The following ARHGEF11 variants were observed in gnomAD, a reference collection of about 807,000 sequenced individuals.
ARHGEF11 encodes Rho guanine exchange factor (GEF) 11.
In ARHGEF11, 55 loss-of-function variants were observed where a neutral mutation model predicts 193.7. That is an observed-to-expected ratio of 0.28 (90% CI 0.23 to 0.36). ARHGEF11 has a LOEUF of 0.36. Among genes scored for constraint, ARHGEF11 ranks in the 10% least tolerant of loss-of-function variants. The probability of loss-of-function intolerance (pLI) is 1.00; values close to 1 mark genes in which losing one functional copy is unlikely to be tolerated. For missense variants in ARHGEF11, 1,723 were observed against 2,005.6 expected, an observed-to-expected ratio of 0.86 and a Z score of 2.69; for synonymous variants, 693 against 768.0, an observed-to-expected ratio of 0.90 and a Z score of 1.62.
chr1:156,988,417 G>A (rs144066134), intron 1 of ARHGEF11, among the ~76,000 whole-genome samples: 6 of 152,262 alleles, frequency 3.9e-5, no homozygotes, highest in Non-Finnish European at 8.8e-5. Context: ...TGACTGCACA[G>A]GGCTATCCAC....
At chr1:157,046,828 G>A (rs1571657813), upstream of ARHGEF11, among the ~76,000 whole-genome samples, 1 of 136,876 alleles carries the variant, frequency 7.3e-6, no homozygotes, top group East Asian at 2.0e-4. Context: ...GGGCCAACAT[G>A]GTGAAACCCC....
chr1:156,998,195 C>T (rs938314010), intron 1 of ARHGEF11, among the ~76,000 whole-genome samples: 2 of 152,182 alleles, frequency 1.3e-5, no homozygotes, highest in African/African-American at 4.8e-5. Flanking sequence ...GCTCTGAGGG[C>T]ACCATCTTCA....
chr1:156,965,397 A>C (rs979940424), intron 11 of ARHGEF11, among the ~76,000 whole-genome samples: 6 of 152,200 alleles, frequency 3.9e-5, no homozygotes, highest in Admixed American at 1.3e-4. Context: ...GACCAGGAGA[A>C]CTAAATTCTA....
chr1:156,986,350 C>G (rs1240282115), intron 1 of ARHGEF11, among the ~76,000 whole-genome samples, 177 bp from the exon 2 acceptor site: 1 of 152,102 alleles, frequency 6.6e-6, no homozygotes, highest in Non-Finnish European at 1.5e-5. Flanking sequence ...GTAACACCAC[C>G]TATCTGGAAT....
At chr1:156,985,840 G>C (rs1664841042) in intron 2 of ARHGEF11, 1 of 404,702 alleles carries the variant, frequency 2.5e-6, no homozygotes. Flanking sequence ...TGGGTGTTCT[G>C]ACCTGCTCCA....
intron 1 of ARHGEF11, among the ~76,000 whole-genome samples, chr1:156,989,028 T>C (rs1178172716): frequency 6.6e-6 from 1 of 152,108 alleles, no homozygotes; most frequent in Non-Finnish European, 1.5e-5. Context: ...ATGGAGGCTG[T>C]CATAGATAGA....
intron 1 of ARHGEF11, among the ~76,000 whole-genome samples, chr1:157,018,768 C>T (rs1435028848): frequency 6.6e-6 from 1 of 152,010 alleles, no homozygotes; most frequent in Non-Finnish European, 1.5e-5. Context: ...CTACAATAAT[C>T]AAATCAGTGT....
chr1:156,977,023 A>T lies in ARHGEF11; in HGVS notation c.542T>A (p.Ile181Asn). The T allele has an allele frequency of 6.2e-7, 1 of 1,613,942 alleles. No homozygotes were observed. The highest frequency in any genetic ancestry group is 8.5e-7 in the Non-Finnish European group (1 of 1,179,936). ...TTCCTGCCTCAGCATATTCCTGAGG[A>T]TCTGGGTGGCATGTTTTTGAACTTC... ...DPEVQKHATQ[I>N]LRNMLRQEEK... Residue 181 changes from isoleucine (I) to asparagine (N), a missense_variant, in exon 7 of 41, where the codon ATC (isoleucine) becomes AAC (asparagine). Physicochemically the swap from Ile to Asn is moderately radical, Grantham distance 149. Transcript: ENST00000368194.
chr1:156,955,878 CCCCAAGGCTGG>C, intron 19 of ARHGEF11, 79 bp from the exon 20 acceptor site: 1 of 1,107,926 alleles, frequency 9.0e-7, no homozygotes, highest in South Asian at 1.2e-5. Flanking sequence ...TGCCACTGTC[CCCCAAGGCTGG>C]CCCTCAGCAA....
intron 1 of ARHGEF11, among the ~76,000 whole-genome samples, chr1:157,041,227 A>C (rs1672709043): frequency 6.6e-6 from 1 of 152,210 alleles, no homozygotes; most frequent in Non-Finnish European, 1.5e-5. Flanking sequence ...ATTTAGTATC[A>C]TTATCTCTGT....
At chr1:157,017,842 T>C (rs1451732293) in intron 1 of ARHGEF11, among the ~76,000 whole-genome samples, 1 of 152,022 alleles carries the variant, frequency 6.6e-6, no homozygotes, top group Non-Finnish European at 1.5e-5. Flanking sequence ...TCTAAAATCC[T>C]GATATTCTCC....
rs1655711895 is a variant in ARHGEF11 at position 156,937,484 on chromosome 1, T to C, written c.4205A>G (p.Tyr1402Cys). The C allele has an allele frequency of 1.3e-6, 2 of 1,524,258 alleles. No individual in the cohort carries two copies. Among genetic ancestry groups the C allele is most frequent in the African/African-American group, 1.4e-5 (1 of 71,634 alleles). 94.4% of individuals were successfully genotyped at this position (1,524,258 alleles called of 1,614,324 possible). Residue 1402 changes from tyrosine to cysteine, a missense_variant, in exon 39 of 41, where the codon TAT becomes TGT. Coordinates refer to ENST00000368194, the MANE Select transcript of ARHGEF11 (RefSeq NM_198236.3). ...CGGGGGTCCTGATGGCATGCTGACA[T>C]AAAAGCAGTTCCCTGTCCCCACAGT... is the stretch of plus-strand genomic sequence containing the variant. ...GGTKATGNCF[Y>C]VSMPSGPPDS...
chr1:157,017,559 T>C (rs1003153529), intron 1 of ARHGEF11, among the ~76,000 whole-genome samples: 1 of 151,776 alleles, frequency 6.6e-6, no homozygotes, highest in Non-Finnish European at 1.5e-5. Context: ...TACAAAAAAT[T>C]AGCCGGACGT....
chr1:156,940,256 G>C lies in ARHGEF11; in HGVS notation c.3684C>G (p.Phe1228Leu). ...IRTRNPIHLA[F>L]PGPLFMEGLA... Reference sequence around the variant, plus strand: ...GCCCTTCCATGAACAGAGGGCCTGGGAAGGCCAAGTGGATGGGGTTCCTTG... The same window carrying C: ...GCCCTTCCATGAACAGAGGGCCTGGCAAGGCCAAGTGGATGGGGTTCCTTG... The change falls in exon 36 of 41, where the codon TTC becomes TTG. Residue 1228 changes from phenylalanine (F) to leucine (L), a missense_variant. Phe to Leu is a conservative substitution (Grantham distance 22, BLOSUM62 0). Transcript: ENST00000368194. 1 of 1,610,472 alleles carries C rather than the reference G, an allele frequency of 6.2e-7. No homozygotes were observed. The highest frequency in any genetic ancestry group is 1.1e-5 in the South Asian group (1 of 90,632).
chr1:156,963,702 G>C (rs572014027), intron 11 of ARHGEF11, 108 bp from the exon 12 acceptor site: 1 of 1,511,556 alleles, frequency 6.6e-7, no homozygotes, highest in African/African-American at 1.4e-5. Flanking sequence ...AAAGCCACCC[G>C]GGTCTGGTGA....
chr1:156,943,544 G>A (rs193043545), intron 32 of ARHGEF11, among the ~76,000 whole-genome samples: 1 of 152,274 alleles, frequency 6.6e-6, no homozygotes, highest in East Asian at 1.9e-4. Context: ...GCTCTGTACC[G>A]TGGGTACTAA....
In ARHGEF11 at chr1:156,944,533, T is replaced by C. The variant is rs867818404; in HGVS notation, c.2992-100A>G. ...AGACATTGTGTTAAGGTGCTGGGAA[T>C]TGGTAAATAAGAAAAAGTCCTTGCC... On this transcript the variant is annotated intron_variant, in intron 30 of 40. Transcript: ENST00000368194. 89 of 1,311,958 alleles carry C rather than the reference T, an allele frequency of 6.8e-5. No homozygotes were observed. The Middle Eastern group carries it at 2.2e-3, about 33-fold the overall frequency. 81.3% of individuals were successfully genotyped at this position (1,311,958 alleles called of 1,614,324 possible).
Position 156,935,968 on chromosome 1 carries a change from T to G in ARHGEF11, c.*32A>C, listed in dbSNP as rs1571094846. The stretch of plus-strand genomic sequence containing the variant: ...CTCAGGCCAGTCCCTGAAGGAGGAG[T>G]GGGGACGCAGAGGATTTGGTGGTTT... On this transcript the variant is annotated 3_prime_UTR_variant, in exon 41 of 41. Transcript: ENST00000368194. The G allele has an allele frequency of 1.9e-6, 3 of 1,596,168 alleles. No homozygotes were observed. Among genetic ancestry groups the G allele is most frequent in the African/African-American group, 2.7e-5 (2 of 74,298 alleles).
intron 1 of ARHGEF11, among the ~76,000 whole-genome samples, chr1:156,997,552 G>A (rs144492577): frequency 1.7e-3 from 254 of 152,278 alleles, no homozygotes; most frequent in Non-Finnish European, 3.0e-3. Context: ...AGCGATGCGT[G>A]GAATGCACTA....
Sources: allele counts gnomAD v4.1 joint callset (sites outside exome capture counted in the v4.1 genomes callset), GRCh38; gene constraint gnomAD v4.1.1; transcripts MANE v1.5; gene names NCBI Gene and HGNC (gene_info 2026-07-23, HGNC 2026-07-21).